Variants in GLIS3 observed in about 807,000 individuals in gnomAD.
The protein encoded by GLIS3 is GLIS family zinc finger 3, also known as zinc finger protein GLIS3.
A neutral mutation model predicts 78.6 loss-of-function variants in GLIS3; 53 were observed. The observed-to-expected ratio is 0.67, with a 90% confidence interval of 0.54 to 0.85. GLIS3 has a LOEUF of 0.85. GLIS3 is among the 40% of genes least tolerant of loss of function. GLIS3 has a pLI of 0.00. For missense variants in GLIS3, 1,703 were observed against 1,231.1 expected (o/e 1.38, Z -5.74); for synonymous variants, 684 against 509.9 (o/e 1.34, Z -4.60).
intron 9 of GLIS3, among the ~76,000 whole-genome samples, chr9:3,852,929 C>T (rs1204102017): frequency 6.6e-6 from 1 of 152,124 alleles, no homozygotes; most frequent in African/African-American, 2.4e-5. Context: ...AAGTTAGGGC[C>T]CAGCACAGGT....
the GLIS3 span, among the ~76,000 whole-genome samples, chr9:4,479,126 A>G: frequency 6.6e-6 from 1 of 152,210 alleles, no homozygotes; most frequent in East Asian, 1.9e-4. Context: ...GGATTTCACC[A>G]TTTTGTCTAG....
At chr9:4,273,006 T>C (rs1487546020) in intron 2 of GLIS3, among the ~76,000 whole-genome samples, 1 of 152,238 alleles carries the variant, frequency 6.6e-6, no homozygotes, top group Non-Finnish European at 1.5e-5. Flanking sequence ...CCTCAGTGCA[T>C]GTGTATTGTG....
intron 4 of GLIS3, among the ~76,000 whole-genome samples, chr9:4,029,515 C>T (rs183396829): frequency 3.3e-5 from 5 of 152,128 alleles, no homozygotes; most frequent in Admixed American, 2.0e-4. Flanking sequence ...ATGGTGACAC[C>T]GTGGTGCCAT....
intron 6 of GLIS3, among the ~76,000 whole-genome samples, chr9:3,924,013 T>A (rs1036098464): frequency 2.6e-5 from 4 of 152,202 alleles, no homozygotes; most frequent in African/African-American, 9.6e-5. Context: ...AACACAGCCA[T>A]CCATGGGCCT....
rs112127386 is a variant in GLIS3, at chr9:4,096,433, G to C, written c.1710+21335C>G. On this transcript the variant is annotated intron_variant, in intron 4 of 10. Coordinates refer to ENST00000381971, the MANE Select transcript of GLIS3 (RefSeq NM_001042413.2). ...CACATTCATCCTGCACATAACTCCA[G>C]AACTCTAAGTTCTCAATGACCCTTT... 8.5e-3 allele frequency among the ~76,000 whole-genome samples: 1,287 copies of C among 152,276 alleles called. 17 individuals are homozygous for C. Among genetic ancestry groups the C allele is most frequent in the African/African-American group, 0.029 (1,204 of 41,550 alleles).
intron 4 of GLIS3, among the ~76,000 whole-genome samples, chr9:4,025,253 A>C (rs1270832068): frequency 2.0e-5 from 3 of 152,166 alleles, no homozygotes; most frequent in Non-Finnish European, 4.4e-5. Flanking sequence ...CCGTCTCAAA[A>C]AAAAAAGAAA....
the GLIS3 span, among the ~76,000 whole-genome samples, chr9:4,431,137 C>T: frequency 6.6e-6 from 1 of 152,186 alleles, no homozygotes; most frequent in Non-Finnish European, 1.5e-5. Flanking sequence ...ATCGCCACAC[C>T]CTTCATGAAA....
the GLIS3 span, among the ~76,000 whole-genome samples, chr9:4,361,216 T>C: frequency 1.3e-5 from 2 of 152,200 alleles, no homozygotes; most frequent in Non-Finnish European, 2.9e-5. Context: ...CTGTTTTCTC[T>C]AGGCAGTCTT....
At chr9:4,019,032 G>A (rs527599707) in intron 4 of GLIS3, among the ~76,000 whole-genome samples, 1 of 152,314 alleles carries the variant, frequency 6.6e-6, no homozygotes, top group East Asian at 1.9e-4. Context: ...GGGCAAGAAG[G>A]TGACGTGAGT....
At chr9:4,012,476 T>G (rs1225578551) in intron 4 of GLIS3, among the ~76,000 whole-genome samples, 2 of 152,190 alleles carry the variant, frequency 1.3e-5, no homozygotes, top group Non-Finnish European at 2.9e-5. Context: ...AATGATCATT[T>G]CTAACTTCCT....
intron 4 of GLIS3, among the ~76,000 whole-genome samples, chr9:3,942,012 C>T (rs887815540): frequency 6.6e-6 from 1 of 152,126 alleles, no homozygotes; most frequent in African/African-American, 2.4e-5. Flanking sequence ...ATGAAAGGCT[C>T]ATTAGACACC....
chr9:4,231,755 G>C (rs1256412565), intron 2 of GLIS3, among the ~76,000 whole-genome samples: 2 of 152,134 alleles, frequency 1.3e-5, no homozygotes, highest in Admixed American at 1.3e-4. Flanking sequence ...GGCAAAATAA[G>C]ACATTTTCAG....
chr9:4,209,675 C>T (rs1820213716), intron 2 of GLIS3, among the ~76,000 whole-genome samples: 1 of 152,148 alleles, frequency 6.6e-6, no homozygotes, highest in Admixed American at 6.5e-5. Context: ...CTATCATGTT[C>T]CTCTCTGCCA....
intron 9 of GLIS3, among the ~76,000 whole-genome samples, chr9:3,838,697 A>G (rs144818904): frequency 1.3e-5 from 2 of 152,020 alleles, no homozygotes; most frequent in East Asian, 3.9e-4. Context: ...AATTCCCCCA[A>G]CCAACTACAC....
chr9:4,405,334 G>C, the GLIS3 span, among the ~76,000 whole-genome samples: 1 of 149,774 alleles, frequency 6.7e-6, no homozygotes, highest in Non-Finnish European at 1.5e-5. Context: ...AGCCTGGGCA[G>C]TAAGAGCGAA....
chr9:4,041,959 T>A (rs1196751812), intron 4 of GLIS3, among the ~76,000 whole-genome samples: 1 of 152,190 alleles, frequency 6.6e-6, no homozygotes, highest in Non-Finnish European at 1.5e-5. Flanking sequence ...ACAAGTTTGA[T>A]GTGATTTTGC....
At chr9:3,903,677 A>C (rs560582727) in intron 6 of GLIS3, among the ~76,000 whole-genome samples, 3 of 152,364 alleles carry the variant, frequency 2.0e-5, no homozygotes, top group Admixed American at 1.3e-4. Context: ...AGACTCCTTC[A>C]GAGAAGTTTA....
intron 4 of GLIS3, among the ~76,000 whole-genome samples, chr9:3,941,626 G>A (rs1258849571): frequency 6.6e-6 from 1 of 152,104 alleles, no homozygotes; most frequent in Non-Finnish European, 1.5e-5. Flanking sequence ...ATCATTTTCT[G>A]TTTGCACATT....
At chr9:3,897,873 G>T (rs200590004) in intron 7 of GLIS3, among the ~76,000 whole-genome samples, 1 of 152,222 alleles carries the variant, frequency 6.6e-6, no homozygotes, top group Non-Finnish European at 1.5e-5. Context: ...GGAATCAGAT[G>T]GGGGTGGGGG....
Sources: allele counts gnomAD v4.1 joint callset (sites outside exome capture counted in the v4.1 genomes callset), GRCh38; gene constraint gnomAD v4.1.1; transcripts MANE v1.5; gene names NCBI Gene and HGNC (gene_info 2026-07-23, HGNC 2026-07-21).